Variants in PSKH1 observed in about 807,000 individuals in gnomAD.
PSKH1 encodes protein serine kinase H1.
Under a neutral mutation model 26.7 loss-of-function variants are expected in PSKH1, and 12 were observed. The observed-to-expected ratio is 0.45, with a 90% CI of 0.29 to 0.73. The LOEUF is 0.73. Ranked by LOEUF, PSKH1 falls within the 30% of genes least tolerant of loss-of-function variation. PSKH1 has a pLI of 0.11. For synonymous variants in PSKH1, 213 were observed against 234.3 expected (o/e 0.91, Z 0.83); for missense variants, 431 against 595.2 (o/e 0.72, Z 2.87).
At chr16:67,902,424 A>T (rs1351818399) in intron 1 of PSKH1, among the ~76,000 whole-genome samples, 1 of 151,932 alleles carries the variant, frequency 6.6e-6, no homozygotes, top group Non-Finnish European at 1.5e-5. Context: ...CCTCCTGAGC[A>T]GCTGGGATTA....
intron 2 of PSKH1, among the ~76,000 whole-genome samples, chr16:67,910,255 G>T (rs957132626): frequency 6.6e-6 from 1 of 152,198 alleles, no homozygotes; most frequent in Non-Finnish European, 1.5e-5. Context: ...GGCACTGGCG[G>T]TGGGAAGCTG....
intron 2 of PSKH1, among the ~76,000 whole-genome samples, chr16:67,924,494 A>C (rs1280565006): frequency 6.6e-6 from 1 of 152,214 alleles, no homozygotes; most frequent in Admixed American, 6.5e-5. Context: ...CCAAGACTGC[A>C]CTGGTGACTG....
At chr16:67,913,734 T>A (rs1370318446) in intron 2 of PSKH1, among the ~76,000 whole-genome samples, 1 of 152,162 alleles carries the variant, frequency 6.6e-6, no homozygotes, top group Admixed American at 6.5e-5. Context: ...TTCATACACA[T>A]CCCCTGGAAT....
At chr16:67,924,815 CTGTG>C (rs1194324872) in intron 2 of PSKH1, among the ~76,000 whole-genome samples, 3 of 152,118 alleles carry the variant, frequency 2.0e-5, no homozygotes, top group African/African-American at 7.2e-5. Context: ...CTCTGTTCAG[CTGTG>C]TGTGTGCTGT....
intron 2 of PSKH1, among the ~76,000 whole-genome samples, chr16:67,918,694 C>T (rs1811931204): frequency 6.6e-6 from 1 of 151,160 alleles, no homozygotes; most frequent in South Asian, 2.1e-4. Context: ...TGGGTTCAAG[C>T]AATTCTCCTG....
At chr16:67,921,959 A>G (rs143368363) in intron 2 of PSKH1, among the ~76,000 whole-genome samples, 9 of 150,486 alleles carry the variant, frequency 6.0e-5, no homozygotes, top group African/African-American at 2.2e-4. Flanking sequence ...TCTCATTTTA[A>G]TCTTTATTCT....
At position 67,928,004 on chromosome 16, in the gene PSKH1, GGTGGAGT is replaced by G. The variant is rs2058223242; in HGVS notation, c.*365_*371del. 7.5e-6 allele frequency: 2 copies of G among 267,926 alleles called. No individual in the cohort carries two copies. Among genetic ancestry groups the G allele is most frequent in the Non-Finnish European group, 7.2e-6 (1 of 139,620 alleles). 16.6% of individuals were successfully genotyped at this position (267,926 alleles called of 1,614,324 possible). On this transcript the variant is annotated 3_prime_UTR_variant, in exon 3 of 3. Transcript: ENST00000291041. This position sits in a 1 kb window ranked among gnomAD's most constrained non-coding sequence, Gnocchi z 4.8. The stretch of plus-strand genomic sequence containing the variant: ...CCAATCAAAGGGAACTGCAGTGCTG[GGTGGAGT>G]GTCCTGTGGCCTCAGGACCCTTTGG...
Position 67,918,699 on chromosome 16 carries a change from C to A in PSKH1, c.958-8626C>A, listed in dbSNP as rs1214614672. Among the ~76,000 whole-genome samples, 3 of 150,244 alleles carry A rather than the reference C, an allele frequency of 2.0e-5. No homozygotes were observed. The Admixed American group carries it at 2.0e-4, about 10-fold the overall frequency. On this transcript the variant is annotated intron_variant, in intron 2 of 2. Coordinates refer to ENST00000291041, the MANE Select transcript of PSKH1 (RefSeq NM_006742.3). ...CTCCACCTTTTGGGTTCAAGCAATT[C>A]TCCTGCCTCAGCCTCCCAAGTAGCT...
chr16:67,918,451 T>C (rs543516132), intron 2 of PSKH1, among the ~76,000 whole-genome samples: 2 of 152,114 alleles, frequency 1.3e-5, no homozygotes, highest in South Asian at 4.2e-4. Context: ...CCCACCTTCA[T>C]AGCCACTCTG....
chr16:67,907,385 CA>C (rs2058159536), intron 1 of PSKH1, among the ~76,000 whole-genome samples: 1 of 152,030 alleles, frequency 6.6e-6, no homozygotes, highest in Admixed American at 6.6e-5. Flanking sequence ...CTCAGCCCCC[CA>C]AGTGGCTGGG....
intron 2 of PSKH1, among the ~76,000 whole-genome samples, chr16:67,926,900 G>C (rs1034990544): frequency 6.6e-6 from 1 of 152,180 alleles, no homozygotes; most frequent in Non-Finnish European, 1.5e-5. Context: ...GTAAGGACTA[G>C]GAAGTTCCCC....
intron 1 of PSKH1, among the ~76,000 whole-genome samples, chr16:67,902,152 T>C (rs959814728): frequency 7.3e-5 from 11 of 151,628 alleles, no homozygotes; most frequent in East Asian, 3.9e-4. Flanking sequence ...CCCAGCTACT[T>C]GGGAGGCTGA....
rs764767985 is a variant in PSKH1, at chr16:67,908,780, G to A, written c.31G>A (p.Glu11Lys). Residue 11 changes from glutamate to lysine, a missense_variant, in exon 2 of 3, where the codon GAG becomes AAG. Glu to Lys is a moderately conservative substitution (Grantham distance 56). Transcript: ENST00000291041. Reference sequence around the variant, plus strand: ...CTGTGGGACAAGCAAGGTCCTTCCCGAGCCACCCAAGGATGTCCAGCTGGA... The same window carrying A: ...CTGTGGGACAAGCAAGGTCCTTCCCAAGCCACCCAAGGATGTCCAGCTGGA... MGCGTSKVLP[E>K]PPKDVQLDLV... The A allele has an allele frequency of 8.1e-6, 13 of 1,599,238 alleles. No homozygotes were observed. The highest frequency in any genetic ancestry group is 1.0e-5 in the Non-Finnish European group (12 of 1,170,206).
rs996852675 is a variant in PSKH1 at position 67,915,163 on chromosome 16, CAGTGAATGAGTG to C, written c.957+5475_957+5486del. On this transcript the variant is annotated intron_variant, in intron 2 of 2. Coordinates refer to ENST00000291041, the MANE Select transcript of PSKH1 (RefSeq NM_006742.3). ...TCACAGGGCAGGACTCTGCAGCTCACAGTGAATGAGTGAGTGAATGAGTGAGTGAGTGAGAGA... is the reference window on the plus strand; with the variant it reads ...TCACAGGGCAGGACTCTGCAGCTCACAGTGAATGAGTGAGTGAGTGAGAGA... 4.6e-5 allele frequency among the ~76,000 whole-genome samples: 7 copies of C among 151,968 alleles called. No individual in the cohort carries two copies. The South Asian group carries it at 6.2e-4, about 14-fold the overall frequency.
At chr16:67,896,893 C>G (rs1383813297) in intron 1 of PSKH1, among the ~76,000 whole-genome samples, 2 of 152,182 alleles carry the variant, frequency 1.3e-5, no homozygotes, top group Non-Finnish European at 2.9e-5. Context: ...CCTCAGGCAT[C>G]TGGTTGGCAT....
At chr16:67,904,426 G>A (rs533196155) in intron 1 of PSKH1, among the ~76,000 whole-genome samples, 3 of 151,810 alleles carry the variant, frequency 2.0e-5, no homozygotes, top group Non-Finnish European at 2.9e-5. Flanking sequence ...GACTGGTCTC[G>A]AACTCCTGAC....
chr16:67,916,774 A>G (rs2058189070), intron 2 of PSKH1, among the ~76,000 whole-genome samples: 1 of 152,128 alleles, frequency 6.6e-6, no homozygotes, highest in Non-Finnish European at 1.5e-5. Context: ...TATGTAAGCC[A>G]CAGTATAGGA....
chr16:67,905,178 T>G (rs2089303692), intron 1 of PSKH1, among the ~76,000 whole-genome samples: 1 of 152,104 alleles, frequency 6.6e-6, no homozygotes, highest in Non-Finnish European at 1.5e-5. Flanking sequence ...ACCTCATCCT[T>G]CTCTCTAAAC....
At chr16:67,924,060 C>T (rs922441429) in intron 2 of PSKH1, among the ~76,000 whole-genome samples, 34 of 152,312 alleles carry the variant, frequency 2.2e-4, no homozygotes, top group African/African-American at 7.7e-4. Flanking sequence ...CACCCTAAGC[C>T]CCTGCCTCAC....
Sources: allele counts gnomAD v4.1 joint callset (sites outside exome capture counted in the v4.1 genomes callset), GRCh38; gene constraint gnomAD v4.1.1; non-coding constraint Gnocchi (gnomAD v3.1); transcripts MANE v1.5; gene names NCBI Gene and HGNC (gene_info 2026-07-23, HGNC 2026-07-21).